Variants in POLR3G observed in about 807,000 individuals in gnomAD.
POLR3G encodes DNA-directed RNA polymerase III subunit RPC7.
POLR3G carries 28 observed loss-of-function variants against 30.1 expected under a neutral mutation model. The ratio of observed to expected loss-of-function variants is 0.93; its 90% CI spans 0.69 to 1.27. The LOEUF is 1.27. Ranked by LOEUF, POLR3G falls within the 50% of genes most tolerant of loss-of-function variation. The probability of loss-of-function intolerance (pLI) is 0.00; values close to 1 mark genes in which losing one functional copy is unlikely to be tolerated. For missense variants in POLR3G, 254 were observed against 264.6 expected, an observed-to-expected ratio of 0.96 and a Z score of 0.28; for synonymous variants, 79 against 82.5, an observed-to-expected ratio of 0.96 and a Z score of 0.23.
At chr5:90,482,112 G>A (rs1751154434) in intron 1 of POLR3G, among the ~76,000 whole-genome samples, 1 of 152,180 alleles carries the variant, frequency 6.6e-6, no homozygotes, top group Non-Finnish European at 1.5e-5. Context: ...AACTTTTAGT[G>A]TTCAAGCAGT....
At chr5:90,499,470 A>G (rs2151911134) in intron 5 of POLR3G, among the ~76,000 whole-genome samples, 1 of 152,302 alleles carries the variant, frequency 6.6e-6, no homozygotes, top group Admixed American at 6.5e-5. Flanking sequence ...GGTTATTGTG[A>G]CCTCAGTGAG....
rs554243489 is a variant in POLR3G, at chr5:90,474,871, G to T, written c.-193G>T. The T allele has an allele frequency of 6.5e-6, 1 of 154,652 alleles. No individual in the cohort carries two copies. The allele number at this position is 154,652 out of a possible 1,614,324, so 9.6% of individuals were successfully genotyped here. On this transcript the variant is annotated 5_prime_UTR_variant, in exon 1 of 8. Transcript: ENST00000651687. ...GGCTAGTTGGTAGGGCTCACTCCGC[G>T]GTCCTGGTGCCGCGTGCAGGTCGGT...
At chr5:90,497,739 G>A (rs1218203930) in intron 5 of POLR3G, 33 bp downstream of exon 5, 3 of 1,573,790 alleles carry the variant, frequency 1.9e-6, no homozygotes, top group Non-Finnish European at 8.6e-7. Flanking sequence ...AATTCAGGTA[G>A]GAAAAGGTTA....
intron 1 of POLR3G, among the ~76,000 whole-genome samples, chr5:90,484,511 T>C (rs1751312426): frequency 6.6e-6 from 1 of 152,240 alleles, no homozygotes; most frequent in African/African-American, 2.4e-5. Flanking sequence ...TTTTACGTAG[T>C]GTTCCTTCAC....
intron 5 of POLR3G, among the ~76,000 whole-genome samples, chr5:90,499,428 A>G (rs1449204879): frequency 6.6e-6 from 1 of 152,220 alleles, no homozygotes; most frequent in African/African-American, 2.4e-5. Context: ...TAGGACGAAG[A>G]CTGGAAAATG....
intron 2 of POLR3G, among the ~76,000 whole-genome samples, chr5:90,487,097 T>G (rs1751476155): frequency 6.6e-6 from 1 of 152,212 alleles, no homozygotes; most frequent in Non-Finnish European, 1.5e-5. Context: ...TGTATAATTT[T>G]TAAAACTTGA....
intron 4 of POLR3G, 132 bp from the exon 5 acceptor site, chr5:90,497,524 A>C: frequency 9.6e-7 from 1 of 1,040,536 alleles, no homozygotes; most frequent in Non-Finnish European, 1.3e-6. Context: ...TTCAAGCTAA[A>C]TTTGTAAAGT....
chr5:90,503,386 G>A (rs968627696), intron 6 of POLR3G, among the ~76,000 whole-genome samples: 1 of 152,218 alleles, frequency 6.6e-6, no homozygotes, highest in African/African-American at 2.4e-5. Context: ...TACTGATGAA[G>A]GAGCAGTGAT....
chr5:90,507,986 C>T (rs934688784), intron 7 of POLR3G, among the ~76,000 whole-genome samples: 1 of 152,090 alleles, frequency 6.6e-6, no homozygotes, highest in Non-Finnish European at 1.5e-5. Context: ...GTCCTCCCAG[C>T]GCACACACTA....
chr5:90,497,752 T>A, intron 5 of POLR3G, 46 bp downstream of exon 5: 2 of 1,561,024 alleles, frequency 1.3e-6, no homozygotes, highest in Non-Finnish European at 1.7e-6. Context: ...AAAGGTTATT[T>A]CTTACATTCT....
chr5:90,513,987 A>G lies in POLR3G; in HGVS notation c.*1848A>G, dbSNP rs536202566. ...TGCAGATAACCACTTGAACCAGGCAAATACACTGAAGATAAAGGTTATTTC... is the reference window on the plus strand; with the variant it reads ...TGCAGATAACCACTTGAACCAGGCAGATACACTGAAGATAAAGGTTATTTC... On this transcript the variant is annotated 3_prime_UTR_variant, in exon 8 of 8. Coordinates refer to ENST00000651687, the MANE Select transcript of POLR3G (RefSeq NM_006467.3). The G allele has an allele frequency of 1.1e-4, 16 of 152,290 alleles. No homozygotes were observed. The highest frequency in any genetic ancestry group is 3.6e-4 in the African/African-American group (15 of 41,540). The allele number at this position is 152,290 out of a possible 1,614,324, so 9.4% of individuals were successfully genotyped here.
chr5:90,512,143 T>C lies in POLR3G; in HGVS notation c.*4T>C, dbSNP rs760848183. The C allele has an allele frequency of 5.1e-6, 8 of 1,574,516 alleles. No homozygotes were observed. The highest frequency in any genetic ancestry group is 1.4e-5 in the African/African-American group (1 of 74,030). On this transcript the variant is annotated 3_prime_UTR_variant, in exon 8 of 8. Coordinates refer to ENST00000651687, the MANE Select transcript of POLR3G (RefSeq NM_006467.3). ...CATGGATGAGGCAACCTATTAGGCATGAAATTTTTCAAAAAATATTTTTAT... is the reference window on the plus strand; with the variant it reads ...CATGGATGAGGCAACCTATTAGGCACGAAATTTTTCAAAAAATATTTTTAT...
chr5:90,478,417 C>A (rs1750945130), intron 1 of POLR3G, among the ~76,000 whole-genome samples: 1 of 152,032 alleles, frequency 6.6e-6, no homozygotes, highest in Non-Finnish European at 1.5e-5. Flanking sequence ...TAGACCTATG[C>A]TTCCTGAAGT....
chr5:90,476,574 A>G (rs1395429686), intron 1 of POLR3G, among the ~76,000 whole-genome samples: 1 of 152,188 alleles, frequency 6.6e-6, no homozygotes, highest in African/African-American at 2.4e-5. Context: ...GGCAGAAGCA[A>G]GCCACTAGTG....
At chr5:90,492,053 A>G (rs1026720042) in intron 3 of POLR3G, among the ~76,000 whole-genome samples, 2 of 152,224 alleles carry the variant, frequency 1.3e-5, no homozygotes, top group African/African-American at 2.4e-5. Flanking sequence ...TCTAAAATTG[A>G]CAGAAAAACA....
rs990368265 is a variant in POLR3G at position 90,488,629 on chromosome 5, T to C, written c.247+500T>C. Among the ~76,000 whole-genome samples, 51 of 152,294 alleles carry C rather than the reference T, an allele frequency of 3.3e-4. 1 individual carries two copies. Among genetic ancestry groups the C allele is most frequent in the Non-Finnish European group, 6.5e-4 (44 of 68,014 alleles). On this transcript the variant is annotated intron_variant, in intron 3 of 7. Coordinates refer to ENST00000651687, the MANE Select transcript of POLR3G (RefSeq NM_006467.3). ...TTATTAACTGTAACTAATTTCCTGCTTTTTAAATATTATTTTCAGTTTTTT... is the reference window on the plus strand; with the variant it reads ...TTATTAACTGTAACTAATTTCCTGCCTTTTAAATATTATTTTCAGTTTTTT...
rs371458647 is a variant in POLR3G, at chr5:90,512,158, A to C, written c.*19A>C. On this transcript the variant is annotated 3_prime_UTR_variant, in exon 8 of 8. Coordinates refer to ENST00000651687, the MANE Select transcript of POLR3G (RefSeq NM_006467.3). ...CTATTAGGCATGAAATTTTTCAAAA[A>C]ATATTTTTATGATGCAGCTTCTGAA... 2.1e-5 allele frequency: 31 copies of C among 1,488,266 alleles called. No individual in the cohort carries two copies. Among genetic ancestry groups the C allele is most frequent in the Non-Finnish European group, 2.6e-5 (28 of 1,067,778 alleles). The allele number at this position is 1,488,266 out of a possible 1,614,324, so 92.2% of individuals were successfully genotyped here. A position where few individuals can be genotyped will look rare whatever the true frequency, so the allele number is the denominator to read the frequency against.
At chr5:90,487,958 A>G (rs750989763) in intron 2 of POLR3G, 42 bp from the exon 3 acceptor site, 4 of 1,473,428 alleles carry the variant, frequency 2.7e-6, no homozygotes, top group Non-Finnish European at 2.7e-6. Context: ...ATTAAAATAC[A>G]TAATTGATTT....
intron 5 of POLR3G, among the ~76,000 whole-genome samples, chr5:90,499,652 C>A (rs1206157773): frequency 6.6e-6 from 1 of 152,124 alleles, no homozygotes; most frequent in African/African-American, 2.4e-5. Flanking sequence ...GTGGGGTTAT[C>A]AACTAAGAGA....
Sources: gnomAD v4.1 joint callset for allele counts (sites outside exome capture counted in the v4.1 genomes callset) on GRCh38, gnomAD v4.1.1 for gene constraint, MANE v1.5 for transcripts, NCBI Gene and HGNC (gene_info 2026-07-23, HGNC 2026-07-21) for gene names.